The following GARIN2 variants were observed in gnomAD, a reference collection of about 807,000 sequenced individuals.
GARIN2 encodes the protein golgi associated RAB2 interactor family member 2, also known as Golgi-associated RAB2 interactor protein 2.
At chr14:67,208,426 A>G in the GARIN2 span, 14 of 1,613,898 alleles carry the variant, frequency 8.7e-6, no homozygotes, top group Non-Finnish European at 1.2e-5. Context: ...TTCAGAGCAC[A>G]GCTCTCAAGG....
the GARIN2 span, among the ~76,000 whole-genome samples, chr14:67,192,838 ATATC>A: frequency 2.1e-4 from 30 of 146,222 alleles, no homozygotes; most frequent in African/African-American, 3.8e-4. Flanking sequence ...ATCTATATAT[ATATC>A]TATATATAGA....
chr14:67,209,324 A>G, the GARIN2 span, among the ~76,000 whole-genome samples: 1 of 152,174 alleles, frequency 6.6e-6, no homozygotes, highest in East Asian at 1.9e-4. Flanking sequence ...GAGAGAATAG[A>G]GAGTGAGAGT....
the GARIN2 span, among the ~76,000 whole-genome samples, chr14:67,212,655 A>AAT: frequency 6.8e-6 from 1 of 146,784 alleles, no homozygotes; most frequent in African/African-American, 2.5e-5. Context: ...ATATATATAT[A>AAT]ATATATATTT....
the GARIN2 span, chr14:67,201,403 T>G: frequency 8.8e-6 from 4 of 455,662 alleles, no homozygotes; most frequent in South Asian, 4.7e-5. Flanking sequence ...AGACCCCAAT[T>G]CTCTCTTTTT....
the GARIN2 span, among the ~76,000 whole-genome samples, chr14:67,193,954 C>CAAAAAAAAAACAAAAAAAAAAAAAA: frequency 8.2e-5 from 7 of 85,628 alleles, no homozygotes; most frequent in African/African-American, 2.9e-4. Flanking sequence ...CAAAAAAAAA[C>CAAAAAAAAAACAAAAAAAAAAAAAA]AAAAAAAAAA....
At chr14:67,217,254 C>T in the GARIN2 span, among the ~76,000 whole-genome samples, 2 of 151,874 alleles carry the variant, frequency 1.3e-5, no homozygotes, top group African/African-American at 4.8e-5. Context: ...CCATTTGCAT[C>T]GAATATCTTG....
the GARIN2 span, among the ~76,000 whole-genome samples, chr14:67,217,226 C>G: frequency 6.6e-6 from 1 of 151,790 alleles, no homozygotes; most frequent in Admixed American, 6.6e-5. Flanking sequence ...TATGGCTACT[C>G]TTGCTTGACT....
chr14:67,220,525 T>A, the GARIN2 span, among the ~76,000 whole-genome samples: 4 of 152,134 alleles, frequency 2.6e-5, no homozygotes, highest in Non-Finnish European at 5.9e-5. Flanking sequence ...AAATTGAGCA[T>A]CTTAAATCTA....
chr14:67,191,568 T>C, the GARIN2 span, among the ~76,000 whole-genome samples: 2 of 152,284 alleles, frequency 1.3e-5, no homozygotes, highest in Non-Finnish European at 2.9e-5. Flanking sequence ...TCCAGATGAC[T>C]GCATTTATCC....
At chr14:67,201,435 C>G in the GARIN2 span, 1 of 456,078 alleles carries the variant, frequency 2.2e-6, no homozygotes, top group African/African-American at 2.0e-5. Flanking sequence ...TTCAAGCCAG[C>G]TCCCCTCAGG....
chr14:67,217,656 G>C, the GARIN2 span, among the ~76,000 whole-genome samples: 2 of 151,998 alleles, frequency 1.3e-5, no homozygotes, highest in Admixed American at 6.5e-5. Context: ...TAAGTCCCTT[G>C]AGCATTTTTT....
the GARIN2 span, chr14:67,200,225 A>C: frequency 8.8e-6 from 9 of 1,020,266 alleles, no homozygotes; most frequent in African/African-American, 1.2e-4. Context: ...CTGGCCCTCC[A>C]CAACCCACAC....
the GARIN2 span, chr14:67,203,276 G>A: frequency 3.1e-6 from 5 of 1,592,220 alleles, no homozygotes; most frequent in Non-Finnish European, 3.4e-6. Flanking sequence ...CTCCTGCAGA[G>A]AAACTAGTGC....
the GARIN2 span, chr14:67,208,285 C>T: frequency 6.2e-7 from 1 of 1,613,900 alleles, no homozygotes; most frequent in Non-Finnish European, 8.5e-7. Flanking sequence ...CAAAACATGT[C>T]ACCATCTCAA....
the GARIN2 span, among the ~76,000 whole-genome samples, chr14:67,192,515 A>G: frequency 6.6e-6 from 1 of 151,854 alleles, no homozygotes; most frequent in Admixed American, 6.6e-5. Context: ...GCCTGTCTCT[A>G]CTGTGCCCGC....
At chr14:67,189,582 C>CT in the GARIN2 span, 3 of 152,154 alleles carry the variant, frequency 2.0e-5, no homozygotes, top group Non-Finnish European at 4.4e-5. Flanking sequence ...AAGTGACTGT[C>CT]TCATTACTGC....
chr14:67,200,421 C>G, the GARIN2 span: 1 of 528,420 alleles, frequency 1.9e-6, no homozygotes, highest in Non-Finnish European at 3.4e-6. Flanking sequence ...GGCTAAGGCA[C>G]TAATCCCTTT....
chr14:67,189,683 C>T, the GARIN2 span: 1 of 151,880 alleles, frequency 6.6e-6, no homozygotes, highest in African/African-American at 2.4e-5. Context: ...TTCCATCTTC[C>T]TCTTCTCCTT....
the GARIN2 span, chr14:67,198,105 G>A: frequency 1.3e-6 from 2 of 1,568,590 alleles, no homozygotes; most frequent in African/African-American, 2.7e-5. Context: ...AATTCTCTCT[G>A]TATCCACTAA....
Sources: gnomAD v4.1 joint callset for allele counts (sites outside exome capture counted in the v4.1 genomes callset) on GRCh38, gnomAD v4.1.1 for gene constraint, MANE v1.5 for transcripts, NCBI Gene and HGNC (gene_info 2026-07-23, HGNC 2026-07-21) for gene names.